DNAH3: variants seen among roughly 807,000 people sequenced by gnomAD.
DNAH3 encodes axonemal beta dynein heavy chain 3.
In DNAH3, 332 loss-of-function variants were observed where a neutral mutation model predicts 432.5. The observed-to-expected ratio is 0.77, with a 90% CI of 0.70 to 0.84. The LOEUF (loss-of-function observed/expected upper bound fraction) is 0.84. Among genes scored for constraint, DNAH3 ranks in the 40% least tolerant of loss-of-function variants. The pLI, the probability that DNAH3 is intolerant of heterozygous loss-of-function variation, is 0.00. For synonymous variants in DNAH3, 1,956 were observed against 1,900.2 expected, an observed-to-expected ratio of 1.03 and a Z score of -0.76; for missense variants, 4,861 against 5,114.0, an observed-to-expected ratio of 0.95 and a Z score of 1.51.
At chr16:21,025,670 T>C (rs2152717566) in intron 38 of DNAH3, among the ~76,000 whole-genome samples, 1 of 152,102 alleles carries the variant, frequency 6.6e-6, no homozygotes, top group Non-Finnish European at 1.5e-5. Context: ...TTGAGTACTT[T>C]ATTATACATA....
At chr16:21,121,838 T>C in intron 10 of DNAH3, 107 bp downstream of exon 11, 1 of 851,156 alleles carries the variant, frequency 1.2e-6, no homozygotes, top group Admixed American at 2.8e-5. Flanking sequence ...AAAGTGAAGC[T>C]CCCTTAACTG....
At chr16:21,149,382 C>T (rs1052223829) in intron 1 of DNAH3, among the ~76,000 whole-genome samples, 2 of 152,168 alleles carry the variant, frequency 1.3e-5, no homozygotes, top group African/African-American at 4.8e-5. Flanking sequence ...TTAAAATGCT[C>T]CTCTGGGCAC....
Position 21,075,576 on chromosome 16 carries a change from C to T in DNAH3, c.2970-15G>A, listed in dbSNP as rs767770036. Reference sequence around the variant, plus strand: ...TGGGCTCCAATCTAAAGAGAGAACACAGCAACAGCAACATCAACAGGAGGC... The same window carrying T: ...TGGGCTCCAATCTAAAGAGAGAACATAGCAACAGCAACATCAACAGGAGGC... On this transcript the variant is annotated splice_polypyrimidine_tract_variant and intron_variant, in intron 20 of 61. Coordinates refer to ENST00000261383, the Ensembl canonical transcript of DNAH3. The T allele has an allele frequency of 7.7e-6, 12 of 1,564,002 alleles. No individual in the cohort carries two copies. The highest frequency in any genetic ancestry group is 9.7e-6 in the Non-Finnish European group (11 of 1,134,562).
intron 1 of DNAH3, among the ~76,000 whole-genome samples, chr16:21,146,585 T>C (rs926642171): frequency 2.0e-5 from 3 of 152,182 alleles, no homozygotes; most frequent in Admixed American, 2.0e-4. Flanking sequence ...TTACCTTGCA[T>C]GGTTATTATC....
At chr16:20,936,074 G>C (rs779489705) in intron 60 of DNAH3, among the ~76,000 whole-genome samples, 137 of 152,080 alleles carry the variant, frequency 9.0e-4, no homozygotes, top group Non-Finnish European at 1.8e-3. Context: ...TTACATGCTG[G>C]CTCAAAAATG....
Position 21,083,801 on chromosome 16 carries a change from C to T in DNAH3, c.2878-2074G>A, listed in dbSNP as rs373275756. On this transcript the variant is annotated intron_variant, in intron 19 of 61. Transcript: ENST00000261383. Reference sequence around the variant, plus strand: ...CCCAGGCCTGGGGCTGTCCCCAGGGCGGCCTGTGGTGTGACCTACATACAC... The same window carrying T: ...CCCAGGCCTGGGGCTGTCCCCAGGGTGGCCTGTGGTGTGACCTACATACAC... Among the ~76,000 whole-genome samples, 21 of 152,176 alleles carry T rather than the reference C, an allele frequency of 1.4e-4. No individual in the cohort carries two copies. In the South Asian group the frequency reaches 3.3e-3, roughly 24 times the overall value.
At chr16:21,003,917 G>A (rs2087149482) in intron 41 of DNAH3, among the ~76,000 whole-genome samples, 1 of 152,084 alleles carries the variant, frequency 6.6e-6, no homozygotes. Context: ...TACTGAAGAT[G>A]GAAAGACAGA....
chr16:20,997,388 G>C, exon 44 of DNAH3: 3 of 1,614,144 alleles, frequency 1.9e-6, no homozygotes, highest in Non-Finnish European at 2.5e-6. Flanking sequence ...CAGTAACCAT[G>C]GTCAATCCAC....
exon 57 of DNAH3, chr16:20,948,511 T>G (rs1213551828): frequency 3.7e-6 from 6 of 1,613,706 alleles, no homozygotes; most frequent in Non-Finnish European, 5.1e-6. Flanking sequence ...AGGGATGTAG[T>G]AAGTGTCTCC....
At chr16:21,116,460 G>A (rs1422297578) in intron 12 of DNAH3, among the ~76,000 whole-genome samples, 1 of 152,112 alleles carries the variant, frequency 6.6e-6, no homozygotes, top group African/African-American at 2.4e-5. Flanking sequence ...GCCACGAGAA[G>A]AAGGATGTGT....
At position 20,965,040 on chromosome 16, in the gene DNAH3, G is replaced by A; in HGVS notation, c.8844C>T (p.Thr2948=). Reference sequence around the variant, plus strand: ...TGTTTTCCTCCAAGTCCTTTTTCTTGGTGTTCATCTCTTCAAAGTCGTCAT... The same window carrying A: ...TGTTTTCCTCCAAGTCCTTTTTCTTAGTGTTCATCTCTTCAAAGTCGTCAT... Residue 2948 remains threonine, a synonymous_variant, in exon 53 of 62, where the codon ACC becomes ACT. Coordinates refer to ENST00000261383, the Ensembl canonical transcript of DNAH3. The A allele has an allele frequency of 1.9e-6, 3 of 1,613,970 alleles. No homozygotes were observed. In the East Asian group the frequency reaches 6.7e-5, roughly 36 times the overall value.
chr16:20,988,161 G>A, intron 44 of DNAH3, 96 bp from the exon 45 acceptor site: 5 of 1,519,048 alleles, frequency 3.3e-6, no homozygotes, highest in Non-Finnish European at 4.5e-6. Flanking sequence ...TTTGCCTTCT[G>A]CCTTCATGTT....
rs2152746946 is a variant in DNAH3 at position 21,055,563 on chromosome 16, A to G, written c.3925-1029T>C. ...TTGTATTATATTTTCAGCATTATTTATAAGTTTCATGTTATTTCAAATTAA... is the reference window on the plus strand; with the variant it reads ...TTGTATTATATTTTCAGCATTATTTGTAAGTTTCATGTTATTTCAAATTAA... On this transcript the variant is annotated intron_variant, in intron 27 of 61. Transcript: ENST00000261383. 1.3e-5 allele frequency among the ~76,000 whole-genome samples: 2 copies of G among 152,278 alleles called. 1 individual carries two copies. The highest frequency in any genetic ancestry group is 3.9e-4 in the East Asian group (2 of 5,190).
intron 37 of DNAH3, among the ~76,000 whole-genome samples, chr16:21,030,115 T>C (rs968588622): frequency 1.3e-5 from 2 of 152,176 alleles, no homozygotes; most frequent in Admixed American, 6.5e-5. Context: ...TGTGAGCCTA[T>C]AGGGCCCAGC....
intron 8 of DNAH3, 99 bp downstream of exon 9, chr16:21,127,588 C>T: frequency 1.4e-6 from 2 of 1,420,382 alleles, no homozygotes; most frequent in Non-Finnish European, 1.9e-6. Context: ...GAAAGGATGC[C>T]AGTGGGACAA....
At chr16:20,952,161 A>G (rs1456564284) in intron 56 of DNAH3, among the ~76,000 whole-genome samples, 1 of 152,186 alleles carries the variant, frequency 6.6e-6, no homozygotes, top group Non-Finnish European at 1.5e-5. Context: ...TACAGGCATG[A>G]GCCACTGTGC....
chr16:21,038,281 G>A (rs112949174), intron 33 of DNAH3, among the ~76,000 whole-genome samples: 71 of 152,264 alleles, frequency 4.7e-4, no homozygotes, highest in African/African-American at 1.5e-3. Context: ...CAGGAGGATC[G>A]CTTGAGGCCA....
At chr16:21,022,005 G>C in exon 40 of DNAH3, 1 of 1,613,978 alleles carries the variant, frequency 6.2e-7, no homozygotes, top group Non-Finnish European at 8.5e-7. Flanking sequence ...TCATTGAGAA[G>C]GCAAGGTGGA....
chr16:21,152,182 A>G (rs959603067), intron 1 of DNAH3, among the ~76,000 whole-genome samples: 1 of 152,112 alleles, frequency 6.6e-6, no homozygotes, highest in Non-Finnish European at 1.5e-5. Context: ...CAGTGAGCAC[A>G]GATCATGCCA....
Sources: allele counts gnomAD v4.1 joint callset (sites outside exome capture counted in the v4.1 genomes callset), GRCh38; gene constraint gnomAD v4.1.1; transcripts MANE v1.5; gene names NCBI Gene and HGNC (gene_info 2026-07-23, HGNC 2026-07-21).